The following MYPN variants were observed in gnomAD, a reference collection of about 807,000 sequenced individuals.
MYPN encodes sarcomeric protein myopalladin, 145 kDa (MYOP).
Under a neutral mutation model 129.4 loss-of-function variants are expected in MYPN, and 63 were observed. The observed-to-expected ratio is 0.49, with a 90% CI of 0.40 to 0.60. The LOEUF (loss-of-function observed/expected upper bound fraction) is 0.60, where lower values mean the gene tolerates loss of function less well. Among genes scored for constraint, MYPN ranks in the 20% least tolerant of loss-of-function variants. The pLI is 0.00. For synonymous variants in MYPN, 629 were observed against 600.9 expected, an observed-to-expected ratio of 1.05 and a Z score of -0.68; for missense variants, 1,596 against 1,635.4, an observed-to-expected ratio of 0.98 and a Z score of 0.42.
intron 12 of MYPN, among the ~76,000 whole-genome samples, chr10:68,185,782 A>G (rs528111075): frequency 9.2e-5 from 14 of 152,226 alleles, no homozygotes; most frequent in Non-Finnish European, 1.2e-4. Flanking sequence ...GAAAAGTAAT[A>G]TCAATTTAGA....
intron 17 of MYPN, among the ~76,000 whole-genome samples, chr10:68,200,296 C>A (rs2134303750): frequency 6.6e-6 from 1 of 152,260 alleles, no homozygotes; most frequent in South Asian, 2.1e-4. Context: ...GAATCAATAT[C>A]TAAACAAGTG....
intron 1 of MYPN, among the ~76,000 whole-genome samples, chr10:68,098,985 A>G (rs2041969969): frequency 6.6e-6 from 1 of 152,254 alleles, no homozygotes; most frequent in Non-Finnish European, 1.5e-5. Context: ...GAACATATAA[A>G]TTAATCTGGT....
chr10:68,109,732 C>T lies in MYPN; in HGVS notation c.-2+9C>T, dbSNP rs75716608. 1,595 of 452,758 alleles carry T rather than the reference C, an allele frequency of 3.5e-3. 32 individuals are homozygous for T. Among genetic ancestry groups the T allele is most frequent in the African/African-American group, 0.029 (1,462 of 49,990 alleles). The allele number at this position is 452,758 out of a possible 1,614,324, so 28.0% of individuals were successfully genotyped here. On this transcript the variant is annotated intron_variant, in intron 1 of 19. Coordinates refer to ENST00000358913, the MANE Select transcript of MYPN (RefSeq NM_032578.4). ...CAACTAAAAAAAGAAAGGTAATATC[C>T]AGATTTAAGTTCACAAGTGTGTTTT...
At chr10:68,165,625 A>G (rs1348550264) in intron 8 of MYPN, 77 bp from the exon 9 acceptor site, 2 of 1,068,098 alleles carry the variant, frequency 1.9e-6, no homozygotes, top group African/African-American at 3.1e-5. Flanking sequence ...TTGTAGAATC[A>G]TCATCTGATA....
At position 68,113,362 on chromosome 10, in the gene MYPN, A is replaced by C. The variant is rs1243114569; in HGVS notation, c.-2+3639A>C. ...TTAGGAGTTCTTTGGTTTTTTCATG[A>C]ATGTGCTTCCCACATTATAAGGAAT... is the stretch of plus-strand genomic sequence containing the variant. On this transcript the variant is annotated intron_variant, in intron 1 of 19. Coordinates refer to ENST00000358913, the MANE Select transcript of MYPN (RefSeq NM_032578.4). Among the ~76,000 whole-genome samples the C allele has an allele frequency of 2.6e-5, 4 of 152,312 alleles. No individual in the cohort carries two copies. The East Asian group carries it at 7.7e-4, about 29-fold the overall frequency.
chr10:68,158,945 G>T (rs1237073109), intron 7 of MYPN, among the ~76,000 whole-genome samples: 1 of 151,284 alleles, frequency 6.6e-6, no homozygotes, highest in Non-Finnish European at 1.5e-5. Flanking sequence ...CTGTCACCCA[G>T]GCTGGAGTGC....
At chr10:68,169,762 T>C (rs375261532) in intron 10 of MYPN, among the ~76,000 whole-genome samples, 81 of 151,064 alleles carry the variant, frequency 5.4e-4, no homozygotes, top group African/African-American at 1.8e-3. Flanking sequence ...TTCTCCAAGA[T>C]GGAGTCTTGC....
At chr10:68,095,151 C>T (rs2041950397) in intron 1 of MYPN, among the ~76,000 whole-genome samples, 1 of 151,962 alleles carries the variant, frequency 6.6e-6, no homozygotes, top group African/African-American at 2.4e-5. Context: ...CCAGACCAGC[C>T]TTGGCAACAT....
intron 12 of MYPN, among the ~76,000 whole-genome samples, chr10:68,176,436 G>A (rs1294238592): frequency 6.6e-6 from 1 of 152,132 alleles, no homozygotes; most frequent in Non-Finnish European, 1.5e-5. Context: ...AGTACAGTAT[G>A]CCAAATATTG....
chr10:68,208,292 C>T (rs2043850032), intron 19 of MYPN, among the ~76,000 whole-genome samples: 1 of 152,176 alleles, frequency 6.6e-6, no homozygotes, highest in African/African-American at 2.4e-5. Context: ...TTTATGGTTG[C>T]ATAGCAGGTA....
chr10:68,112,720 A>G (rs996928695), intron 1 of MYPN, among the ~76,000 whole-genome samples: 1 of 152,216 alleles, frequency 6.6e-6, no homozygotes, highest in Non-Finnish European at 1.5e-5. Context: ...TATCATTTCC[A>G]TATTCCTCAA....
Position 68,128,124 on chromosome 10 carries a change from A to G in MYPN, c.902+5784A>G, listed in dbSNP as rs182479663. On this transcript the variant is annotated intron_variant, in intron 2 of 19. Transcript: ENST00000358913. ...GCAAGCCTGTTAATCTTTCTTGGAC[A>G]TAGCTTCATTGGAGGAGTTGTCTTA... is the stretch of plus-strand genomic sequence containing the variant. Among the ~76,000 whole-genome samples, 36 of 152,334 alleles carry G rather than the reference A, an allele frequency of 2.4e-4. 1 individual carries two copies. Among genetic ancestry groups the G allele is most frequent in the Admixed American group, 2.3e-3 (35 of 15,294 alleles).
At chr10:68,201,799 GA>G (rs759157473) in intron 17 of MYPN, 29 bp from the exon 18 acceptor site, 11 of 1,588,340 alleles carry the variant, frequency 6.9e-6, no homozygotes, top group South Asian at 6.8e-5. Context: ...AAAAAAGAAA[GA>G]AAAAAAGAAT....
chr10:68,129,555 A>G (rs2042377974), intron 2 of MYPN, among the ~76,000 whole-genome samples: 2 of 152,202 alleles, frequency 1.3e-5, no homozygotes, highest in South Asian at 4.1e-4. Flanking sequence ...ATGTTCTAGT[A>G]TGGTACACAA....
intron 19 of MYPN, among the ~76,000 whole-genome samples, chr10:68,207,214 C>T (rs905745370): frequency 3.3e-5 from 5 of 152,108 alleles, no homozygotes; most frequent in Admixed American, 2.6e-4. Flanking sequence ...CCCGAGATTG[C>T]ACCACTGCAC....
rs1315597952 is a variant in MYPN, at chr10:68,197,408, G to A, written c.3215G>A (p.Arg1072Gln). The change falls in exon 16 of 20, where the codon CGA becomes CAA. Residue 1072 changes from arginine (R) to glutamine (Q), a missense_variant. By Grantham distance (43) the Arg-to-Gln change is conservative. Transcript: ENST00000358913. ...DKEPLQERFF[R>Q]PHFLQAPGDM... is the part of the protein sequence containing the mutation. ...GAGCCCCTACAGGAACGCTTTTTCC[G>A]ACCACATTTCCTGCAGGCTCCTGGG... The A allele has an allele frequency of 7.4e-6, 12 of 1,613,780 alleles. No individual in the cohort carries two copies. Among genetic ancestry groups the A allele is most frequent in the African/African-American group, 2.7e-5 (2 of 74,902 alleles).
intron 17 of MYPN, 120 bp downstream of exon 17, chr10:68,199,695 C>A: frequency 1.0e-6 from 1 of 999,298 alleles, no homozygotes; most frequent in Non-Finnish European, 1.6e-6. Context: ...TCAATTTCCC[C>A]TTCACTGTGG....
At chr10:68,149,933 TGG>T in intron 5 of MYPN, 105 bp from the exon 6 acceptor site, 3 of 945,550 alleles carry the variant, frequency 3.2e-6, no homozygotes, top group Admixed American at 3.5e-5. Flanking sequence ...ATCAGTTTTT[TGG>T]TTTGGGATGC....
At chr10:68,157,670 C>CAAA (rs71009010) in intron 6 of MYPN, among the ~76,000 whole-genome samples, 8 of 84,814 alleles carry the variant, frequency 9.4e-5, no homozygotes, top group East Asian at 3.9e-4. Flanking sequence ...CCTGTCTCTA[C>CAAA]AAAAAAAAAA....
Sources: gnomAD v4.1 joint callset for allele counts (sites outside exome capture counted in the v4.1 genomes callset) on GRCh38, gnomAD v4.1.1 for gene constraint, MANE v1.5 for transcripts, NCBI Gene and HGNC (gene_info 2026-07-23, HGNC 2026-07-21) for gene names.